Variants in TRAPPC12 observed in about 807,000 individuals in gnomAD.
TRAPPC12 encodes TPR repeat protein 15.
TRAPPC12 carries 61 observed loss-of-function variants against 69.2 expected under a neutral mutation model. The ratio of observed to expected loss-of-function variants is 0.88; its 90% CI spans 0.72 to 1.09. The LOEUF is 1.09. Among genes scored for constraint, TRAPPC12 ranks in the 50% least tolerant of loss-of-function variants. The probability of loss-of-function intolerance (pLI) is 0.00; values close to 1 mark genes in which losing one functional copy is unlikely to be tolerated. For synonymous variants in TRAPPC12, 469 were observed against 438.9 expected (o/e 1.07, Z -0.86); for missense variants, 1,101 against 1,016.4 (o/e 1.08, Z -1.13).
intron 9 of TRAPPC12, 116 bp from the exon 10 acceptor site, chr2:3,477,579 C>T: frequency 5.5e-6 from 3 of 543,238 alleles, no homozygotes; most frequent in Non-Finnish European, 9.5e-6. Context: ...TGAAGTTTTC[C>T]TCTGCCTGAC....
chr2:3,425,001 A>T (rs1346246642), intron 5 of TRAPPC12, among the ~76,000 whole-genome samples: 1 of 152,168 alleles, frequency 6.6e-6, no homozygotes, highest in Admixed American at 6.5e-5. Context: ...GACCTGGCGC[A>T]CAGAGATGCA....
intron 1 of TRAPPC12, among the ~76,000 whole-genome samples, chr2:3,381,756 G>C (rs1431116630): frequency 6.6e-6 from 1 of 152,154 alleles, no homozygotes; most frequent in Admixed American, 6.5e-5. Flanking sequence ...CCAGTGCGTT[G>C]AAACTTCCGT....
At chr2:3,465,499 C>G in intron 8 of TRAPPC12, 98 bp from the exon 9 acceptor site, 1 of 842,758 alleles carries the variant, frequency 1.2e-6, no homozygotes, top group Non-Finnish European at 2.0e-6. Flanking sequence ...CGTGTCCTCT[C>G]TCTACACCGC....
chr2:3,389,742 G>A (rs1021469370), intron 2 of TRAPPC12: 1 of 471,088 alleles, frequency 2.1e-6, no homozygotes, highest in Non-Finnish European at 4.4e-6. Context: ...TTCTTGTCCT[G>A]CCTCCAAGAA....
At chr2:3,471,095 C>T (rs1041303755) in intron 9 of TRAPPC12, among the ~76,000 whole-genome samples, 1 of 152,222 alleles carries the variant, frequency 6.6e-6, no homozygotes, top group Admixed American at 6.5e-5. Flanking sequence ...GATACACTGG[C>T]GAATACAAGG....
chr2:3,477,705 T>C lies in TRAPPC12; in HGVS notation c.1787T>C (p.Ile596Thr), dbSNP rs748854016. The C allele has an allele frequency of 1.2e-6, 2 of 1,606,128 alleles. No homozygotes were observed. Among genetic ancestry groups the C allele is most frequent in the Non-Finnish European group, 1.7e-6 (2 of 1,176,946 alleles). ...ATTTTGTCAAAGCAGATTGGAGACA[T>C]AAAAACAGCTGAAAAGTATTTTCAA... The part of the protein sequence containing the change: ...IGRISLQIGD[I>T]KTAEKYFQDV... The change falls in exon 10 of 12, where the codon ATA becomes ACA. Residue 596 changes from isoleucine (I) to threonine (T), a missense_variant. Coordinates refer to ENST00000324266, the MANE Select transcript of TRAPPC12 (RefSeq NM_016030.6).
At chr2:3,384,881 T>C (rs190149638) in intron 1 of TRAPPC12, among the ~76,000 whole-genome samples, 86 of 152,324 alleles carry the variant, frequency 5.6e-4, no homozygotes, top group South Asian at 3.7e-3. Context: ...CTGGACCCTA[T>C]ATTTTCTTTG....
chr2:3,478,672 G>T, intron 10 of TRAPPC12, 174 bp from the exon 11 acceptor site: 2 of 590,406 alleles, frequency 3.4e-6, no homozygotes. Flanking sequence ...TGGCTTTAAT[G>T]TGCGAGCCTG....
At chr2:3,394,202 C>G (rs1660986745) in intron 2 of TRAPPC12, among the ~76,000 whole-genome samples, 1 of 152,156 alleles carries the variant, frequency 6.6e-6, no homozygotes, top group Non-Finnish European at 1.5e-5. Flanking sequence ...ATCTGGAAGA[C>G]AGTGTGTCCA....
chr2:3,399,184 CAG>C (rs765567223), intron 2 of TRAPPC12, among the ~76,000 whole-genome samples: 1 of 152,338 alleles, frequency 6.6e-6, no homozygotes, highest in East Asian at 1.9e-4. Flanking sequence ...TATTAACTAA[CAG>C]AGAATTTTAA....
chr2:3,424,682 A>T lies in TRAPPC12; in HGVS notation c.1417+19A>T. ...CGCAGGGGTAAGGCCATGGTATTTA[A>T]TATTTGTACATTTGTCTGTGTGTCG... On this transcript the variant is annotated intron_variant, in intron 5 of 11. Coordinates refer to ENST00000324266, the MANE Select transcript of TRAPPC12 (RefSeq NM_016030.6). 3.2e-6 allele frequency: 5 copies of T among 1,562,882 alleles called. No individual in the cohort carries two copies. The highest frequency in any genetic ancestry group is 4.3e-6 in the Non-Finnish European group (5 of 1,157,236).
chr2:3,478,833 G>GC lies in TRAPPC12; in HGVS notation c.1878-12dup. 1 of 1,613,634 alleles carries GC rather than the reference G, an allele frequency of 6.2e-7. No individual in the cohort carries two copies. Among genetic ancestry groups the GC allele is most frequent in the African/African-American group, 1.3e-5 (1 of 75,024 alleles). On this transcript the variant is annotated splice_polypyrimidine_tract_variant and intron_variant, in intron 10 of 11. Transcript: ENST00000324266. ...GCTTTCCCCGCTAACTGCCACCGTTGCTTGTGTTACAGCGCGTTCCTTCAC... is the reference window on the plus strand; with the variant it reads ...GCTTTCCCCGCTAACTGCCACCGTTGCCTTGTGTTACAGCGCGTTCCTTCAC...
intron 3 of TRAPPC12, among the ~76,000 whole-genome samples, chr2:3,420,456 T>C (rs1662713093): frequency 2.0e-5 from 3 of 152,238 alleles, no homozygotes; most frequent in Admixed American, 2.0e-4. Flanking sequence ...TGCCTGGCAC[T>C]GTGCTCAGCA....
chr2:3,406,927 A>G (rs1278939990), intron 3 of TRAPPC12, among the ~76,000 whole-genome samples: 2 of 152,262 alleles, frequency 1.3e-5, no homozygotes, highest in African/African-American at 4.8e-5. Flanking sequence ...ACTTGAGACC[A>G]TCAGAAATTT....
At chr2:3,402,075 T>A (rs535708392) in intron 3 of TRAPPC12, among the ~76,000 whole-genome samples, 182 bp downstream of exon 3, 1 of 152,326 alleles carries the variant, frequency 6.6e-6, no homozygotes, top group South Asian at 2.1e-4. Flanking sequence ...ACATGGATAC[T>A]TTTAAGCCTA....
intron 2 of TRAPPC12, among the ~76,000 whole-genome samples, chr2:3,397,514 C>G (rs572925362): frequency 5.3e-5 from 8 of 152,222 alleles, no homozygotes; most frequent in Non-Finnish European, 1.2e-4. Flanking sequence ...GAGCTGCACT[C>G]TCTGCACATA....
intron 6 of TRAPPC12, among the ~76,000 whole-genome samples, chr2:3,446,023 C>T (rs1021110053): frequency 4.6e-5 from 7 of 152,166 alleles, no homozygotes; most frequent in Non-Finnish European, 7.3e-5. Context: ...TGGGGAGAAA[C>T]GAGAAGGGTT....
At chr2:3,452,353 G>T in intron 6 of TRAPPC12, among the ~76,000 whole-genome samples, 1 of 152,176 alleles carries the variant, frequency 6.6e-6, no homozygotes, top group South Asian at 2.1e-4. Flanking sequence ...CCTCCACCTG[G>T]TTCTTTTTGT....
Position 3,387,931 on chromosome 2 carries a change from A to C in TRAPPC12, c.308A>C (p.Glu103Ala). The C allele has an allele frequency of 6.6e-7, 1 of 1,510,056 alleles. No homozygotes were observed. The highest frequency in any genetic ancestry group is 8.8e-7 in the Non-Finnish European group (1 of 1,130,570). The allele number at this position is 1,510,056 out of a possible 1,614,324, so 93.5% of individuals were successfully genotyped here. ...EPGGEGDPGP[E>A]PAGTPSPSGE... ...GGAGGGGAAGGCGACCCAGGCCCGG[A>C]GCCCGCGGGCACCCCGAGTCCCAGC... Residue 103 changes from glutamate to alanine, a missense_variant, in exon 2 of 12, where the codon GAG (glutamate) becomes GCG (alanine). By Grantham distance (107) the Glu-to-Ala change is moderately radical (BLOSUM62 -1). Transcript: ENST00000324266.
Sources: gnomAD v4.1 joint callset for allele counts (sites outside exome capture counted in the v4.1 genomes callset) on GRCh38, gnomAD v4.1.1 for gene constraint, MANE v1.5 for transcripts, NCBI Gene and HGNC (gene_info 2026-07-23, HGNC 2026-07-21) for gene names.